The following ZNF804B variants were observed in gnomAD, a reference collection of about 807,000 sequenced individuals.
ZNF804B encodes zinc finger 804B.
Under a neutral mutation model 101.4 loss-of-function variants are expected in ZNF804B, and 80 were observed. The observed-to-expected ratio is 0.79, with a 90% CI of 0.66 to 0.95. The LOEUF is 0.95. Ranked by LOEUF, ZNF804B falls within the 40% of genes least tolerant of loss-of-function variation. The pLI is 0.00. For missense variants in ZNF804B, 1,673 were observed against 1,561.9 expected (o/e 1.07, Z -1.20); for synonymous variants, 622 against 558.8 (o/e 1.11, Z -1.59).
At chr7:89,066,589 T>A (rs1047140705) in intron 1 of ZNF804B, among the ~76,000 whole-genome samples, 2 of 152,148 alleles carry the variant, frequency 1.3e-5, no homozygotes, top group African/African-American at 4.8e-5. Flanking sequence ...GAAGACAGAC[T>A]GGACTTTTTT....
In ZNF804B at chr7:88,814,454, ACACACACACACACAC is replaced by A. The variant is rs1790843142; in HGVS notation, c.108+54371_108+54385del. ...GTCTCTTACCTCCCTTCAAACACAC[ACACACACACACACAC>A]ACACACACACACACACACACACAGA... On this transcript the variant is annotated intron_variant, in intron 1 of 3. Transcript: ENST00000333190. Among the ~76,000 whole-genome samples, 3 of 45,206 alleles carry A rather than the reference ACACACACACACACAC, an allele frequency of 6.6e-5. No homozygotes were observed. The South Asian group carries it at 2.5e-3, about 38-fold the overall frequency. The allele number at this position is 45,206 out of a possible 152,430, so 29.7% of individuals were successfully genotyped here. A position where few individuals can be genotyped will look rare whatever the true frequency, so the allele number is the denominator to read the frequency against.
intron 1 of ZNF804B, among the ~76,000 whole-genome samples, chr7:88,970,355 AC>A (rs1793515144): frequency 2.4e-5 from 2 of 82,004 alleles, no homozygotes; most frequent in African/African-American, 8.9e-5. Context: ...CCCCCCCCCC[AC>A]CCCCACAACC....
intron 1 of ZNF804B, among the ~76,000 whole-genome samples, chr7:88,761,750 G>A (rs1390787053): frequency 6.6e-6 from 1 of 152,182 alleles, no homozygotes; most frequent in African/African-American, 2.4e-5. Flanking sequence ...AGACTTCTCA[G>A]TATAAAGGGA....
chr7:89,068,409 C>T (rs1789487265), intron 1 of ZNF804B, among the ~76,000 whole-genome samples: 1 of 151,858 alleles, frequency 6.6e-6, no homozygotes, highest in Non-Finnish European at 1.5e-5. Flanking sequence ...AACCAAATAT[C>T]TGCATAAAGT....
At chr7:88,871,343 A>G (rs1791820317) in intron 1 of ZNF804B, among the ~76,000 whole-genome samples, 2 of 152,110 alleles carry the variant, frequency 1.3e-5, no homozygotes, top group Admixed American at 1.3e-4. Flanking sequence ...TTAAGGGGGA[A>G]GAAGAGGGAA....
chr7:88,782,102 CGTGTGT>C (rs72225764), intron 1 of ZNF804B, among the ~76,000 whole-genome samples: 5,544 of 142,036 alleles, frequency 0.039, 119 homozygotes, highest in Admixed American at 0.043. Context: ...TGTGTGAGTG[CGTGTGT>C]GTGTGTGTGT....
chr7:89,234,603 A>G (rs1224629751), intron 2 of ZNF804B, among the ~76,000 whole-genome samples: 1 of 152,160 alleles, frequency 6.6e-6, no homozygotes, highest in Non-Finnish European at 1.5e-5. Flanking sequence ...TACAGGACCA[A>G]TAGAAACAAG....
intron 1 of ZNF804B, among the ~76,000 whole-genome samples, chr7:89,189,679 G>A (rs1047129061): frequency 5.9e-5 from 9 of 152,154 alleles, no homozygotes; most frequent in Non-Finnish European, 1.3e-4. Flanking sequence ...AGTCTAGAGT[G>A]CATACAGCAA....
At chr7:89,211,238 T>A (rs911832855) in intron 1 of ZNF804B, among the ~76,000 whole-genome samples, 3 of 152,234 alleles carry the variant, frequency 2.0e-5, no homozygotes, top group Non-Finnish European at 4.4e-5. Context: ...AGATTCTGGA[T>A]ATTAGACTTT....
At chr7:88,871,949 C>T (rs987497235) in intron 1 of ZNF804B, among the ~76,000 whole-genome samples, 2 of 151,750 alleles carry the variant, frequency 1.3e-5, no homozygotes, top group East Asian at 1.9e-4. Flanking sequence ...GCCTGGGCAA[C>T]AAGGGTGAAA....
At chr7:89,143,649 C>T (rs1202094922) in intron 1 of ZNF804B, among the ~76,000 whole-genome samples, 1 of 151,918 alleles carries the variant, frequency 6.6e-6, no homozygotes, top group Admixed American at 6.6e-5. Context: ...CTAATCTTCA[C>T]CATAAATTTG....
chr7:89,014,921 T>C (rs1321650337), intron 1 of ZNF804B, among the ~76,000 whole-genome samples: 2 of 152,190 alleles, frequency 1.3e-5, no homozygotes, highest in African/African-American at 4.8e-5. Context: ...TAAAACCTTT[T>C]CCCAGACCGA....
intron 1 of ZNF804B, among the ~76,000 whole-genome samples, chr7:88,996,562 T>C (rs1254564020): frequency 2.0e-5 from 3 of 152,068 alleles, no homozygotes; most frequent in African/African-American, 4.8e-5. Flanking sequence ...CTTGAATCAT[T>C]GTGGTTTTGG....
At chr7:88,903,891 G>A (rs2189748) in intron 1 of ZNF804B, among the ~76,000 whole-genome samples, 72,239 of 151,958 alleles carry the variant, frequency 0.48, 19,841 homozygotes, top group African/African-American at 0.76. Context: ...CTGCCATTCT[G>A]TAGGTTTTCT....
intron 1 of ZNF804B, among the ~76,000 whole-genome samples, chr7:88,940,123 G>A (rs1793035613): frequency 6.6e-6 from 1 of 151,630 alleles, no homozygotes; most frequent in Admixed American, 6.6e-5. Flanking sequence ...AAATACCAAA[G>A]GATGAACTAA....
intron 1 of ZNF804B, chr7:88,794,855 A>G (rs781243611): frequency 3.7e-6 from 6 of 1,613,532 alleles, no homozygotes; most frequent in African/African-American, 1.3e-5. Context: ...AAGTGCAGGT[A>G]ATTGCTACGT....
At chr7:88,768,327 A>C (rs7801611) in intron 1 of ZNF804B, among the ~76,000 whole-genome samples, 67,132 of 152,080 alleles carry the variant, frequency 0.44, 16,548 homozygotes, top group East Asian at 0.73. Flanking sequence ...CCTCCAGAAA[A>C]TTGGGGCTAG....
intron 1 of ZNF804B, among the ~76,000 whole-genome samples, chr7:88,876,680 T>C (rs183223910): frequency 4.6e-5 from 7 of 152,162 alleles, no homozygotes; most frequent in African/African-American, 1.4e-4. Flanking sequence ...TGTGTTTTAA[T>C]CAATTGTCCT....
At chr7:88,812,634 T>C (rs1200814785) in intron 1 of ZNF804B, among the ~76,000 whole-genome samples, 1 of 151,882 alleles carries the variant, frequency 6.6e-6, no homozygotes, top group Admixed American at 6.6e-5. Context: ...GATGAATGAA[T>C]TGATTTAAAA....
Sources: allele counts gnomAD v4.1 joint callset (sites outside exome capture counted in the v4.1 genomes callset), GRCh38; gene constraint gnomAD v4.1.1; transcripts MANE v1.5; gene names NCBI Gene and HGNC (gene_info 2026-07-23, HGNC 2026-07-21).